SV2B: variants seen among roughly 807,000 people sequenced by gnomAD.
The protein encoded by SV2B is solute carrier family 22 member B2.
In SV2B, 41 loss-of-function variants were observed where a neutral mutation model predicts 73.9. The ratio of observed to expected loss-of-function variants is 0.56; its 90% CI spans 0.43 to 0.72. The LOEUF is 0.72. Among genes scored for constraint, SV2B ranks in the 30% least tolerant of loss-of-function variants. The pLI is 0.00. For missense variants in SV2B, 764 were observed against 857.8 expected, an observed-to-expected ratio of 0.89 and a Z score of 1.37; for synonymous variants, 314 against 314.2, an observed-to-expected ratio of 1.00 and a Z score of 0.01.
chr15:91,149,640 G>T (rs2043250195), intron 1 of SV2B, among the ~76,000 whole-genome samples: 1 of 152,138 alleles, frequency 6.6e-6, no homozygotes. Flanking sequence ...TTAAAGGGAG[G>T]GCAGATCCCA....
rs549951653 is a variant in SV2B at position 91,285,824 on chromosome 15, C to T, written c.1708+1603C>T. Among the ~76,000 whole-genome samples, 180 of 152,092 alleles carry T rather than the reference C, an allele frequency of 1.2e-3. 1 individual carries two copies. Among genetic ancestry groups the T allele is most frequent in the African/African-American group, 3.4e-3 (139 of 41,466 alleles). ...AGGCTGGGGTGGGTGCCCATGTCGA[C>T]GAGAACAGCCCACCGCCTAAGGACC... On this transcript the variant is annotated intron_variant, in intron 11 of 12. Coordinates refer to ENST00000394232, the MANE Select transcript of SV2B (RefSeq NM_001323032.3).
chr15:91,272,455 C>G (rs955503387), intron 9 of SV2B, among the ~76,000 whole-genome samples: 3 of 152,062 alleles, frequency 2.0e-5, no homozygotes, highest in African/African-American at 4.8e-5. Context: ...GGGAGAGATG[C>G]CTGATTTCTG....
At chr15:91,262,326 A>G (rs1004701791) in intron 6 of SV2B, among the ~76,000 whole-genome samples, 6 of 152,246 alleles carry the variant, frequency 3.9e-5, no homozygotes, top group African/African-American at 1.4e-4. Flanking sequence ...GTTAACCATT[A>G]TTTAAATTAT....
At chr15:91,190,917 G>A (rs2044985661) in intron 1 of SV2B, among the ~76,000 whole-genome samples, 1 of 151,248 alleles carries the variant, frequency 6.6e-6, no homozygotes, top group Non-Finnish European at 1.5e-5. Context: ...ATTATTTAGA[G>A]GATTTTGTTC....
At chr15:91,152,601 A>G (rs1258658223) in intron 1 of SV2B, among the ~76,000 whole-genome samples, 2 of 152,242 alleles carry the variant, frequency 1.3e-5, no homozygotes, top group East Asian at 1.9e-4. Flanking sequence ...CAAAGTAACC[A>G]TAGGAAAGAA....
At chr15:91,201,958 T>C (rs1295942329) in intron 1 of SV2B, among the ~76,000 whole-genome samples, 2 of 152,222 alleles carry the variant, frequency 1.3e-5, no homozygotes, top group Non-Finnish European at 2.9e-5. Flanking sequence ...CTTTTAAGAT[T>C]TGCCAGAGCA....
intron 1 of SV2B, among the ~76,000 whole-genome samples, chr15:91,134,529 A>G (rs111357532): frequency 6.4e-4 from 97 of 152,284 alleles, no homozygotes; most frequent in African/African-American, 2.0e-3. Context: ...TGCTTTTTAC[A>G]AATGACTCCA....
At position 91,106,912 on chromosome 15, in the gene SV2B, G is replaced by A. The variant is rs566981971; in HGVS notation, c.-392+6549G>A. Among the ~76,000 whole-genome samples the A allele has an allele frequency of 2.6e-5, 4 of 152,330 alleles. No homozygotes were observed. In the East Asian group the frequency reaches 5.8e-4, roughly 22 times the overall value. On this transcript the variant is annotated intron_variant, in intron 1 of 12. Transcript: ENST00000394232. The surrounding 1 kb of genome is among the most constrained non-coding windows in gnomAD (Gnocchi z 4.4). ...TTATAAAAGGAAGAAATAGGGAATA[G>A]CCTTCATAGGAAAAGGGGAGGGCTG... is the stretch of plus-strand genomic sequence containing the variant.
At chr15:91,209,811 C>G (rs933329279) in intron 1 of SV2B, among the ~76,000 whole-genome samples, 1 of 152,200 alleles carries the variant, frequency 6.6e-6, no homozygotes, top group Non-Finnish European at 1.5e-5. Flanking sequence ...ACATAAACTA[C>G]AAGTTCATTA....
At chr15:91,181,619 T>C (rs550331842) in intron 1 of SV2B, among the ~76,000 whole-genome samples, 1 of 152,190 alleles carries the variant, frequency 6.6e-6, no homozygotes, top group South Asian at 2.1e-4. Flanking sequence ...TAAAATTTTT[T>C]GACAAACGTT....
rs2048670937 is a variant in SV2B at position 91,281,204 on chromosome 15, A to G, written c.1374-524A>G. 6.6e-6 allele frequency among the ~76,000 whole-genome samples: 1 copy of G among 152,174 alleles called. No individual in the cohort carries two copies. Among genetic ancestry groups the G allele is most frequent in the African/African-American group, 2.4e-5 (1 of 41,448 alleles). On this transcript the variant is annotated intron_variant, in intron 9 of 12. Coordinates refer to ENST00000394232, the MANE Select transcript of SV2B (RefSeq NM_001323032.3). The surrounding 1 kb of genome is among the most constrained non-coding windows in gnomAD (Gnocchi z 4.7). ...AGGTCAAAGAGAACGTGCATTTCAA[A>G]TTTTGCAAAATTGCTCCCCAAAGAG... is the stretch of plus-strand genomic sequence containing the variant.
rs1310069564 is a variant in SV2B, at chr15:91,293,991, C to T, written c.*1439C>T. ...TCTTGACTGCATGGAAGAGGAAAAACATCAGAACTGTCTGACAATGGAGGG... is the reference window on the plus strand; with the variant it reads ...TCTTGACTGCATGGAAGAGGAAAAATATCAGAACTGTCTGACAATGGAGGG... On this transcript the variant is annotated 3_prime_UTR_variant, in exon 13 of 13. Transcript: ENST00000394232. 6.6e-6 allele frequency: 1 copy of T among 152,198 alleles called. No homozygotes were observed. The highest frequency in any genetic ancestry group is 1.5e-5 in the Non-Finnish European group (1 of 68,056). The allele number at this position is 152,198 out of a possible 1,614,324, so 9.4% of individuals were successfully genotyped here.
chr15:91,251,813 T>C lies in SV2B; in HGVS notation c.452-6T>C, dbSNP rs750319525. ...CTATTCTCTCCTCTCCTCCCCCTCA[T>C]TGCAGGGATGATAGTCTACTTGGGA... On this transcript the variant is annotated splice_region_variant and splice_polypyrimidine_tract_variant and intron_variant, in intron 2 of 12. Transcript: ENST00000394232. The C allele has an allele frequency of 2.5e-6, 4 of 1,613,826 alleles. No individual in the cohort carries two copies. The highest frequency in any genetic ancestry group is 1.7e-4 in the Middle Eastern group (1 of 6,056).
At chr15:91,149,832 T>C (rs1388281375) in intron 1 of SV2B, among the ~76,000 whole-genome samples, 1 of 152,144 alleles carries the variant, frequency 6.6e-6, no homozygotes, top group Non-Finnish European at 1.5e-5. Context: ...GCTGGTTCCC[T>C]CCCAAGAAGA....
At chr15:91,178,793 A>G (rs1045239306) in intron 1 of SV2B, among the ~76,000 whole-genome samples, 10 of 144,318 alleles carry the variant, frequency 6.9e-5, no homozygotes, top group African/African-American at 2.3e-4. Flanking sequence ...TTTTTTCTTT[A>G]TTAGTCTTGC....
At chr15:91,177,157 C>T (rs966942156) in intron 1 of SV2B, among the ~76,000 whole-genome samples, 1 of 151,670 alleles carries the variant, frequency 6.6e-6, no homozygotes, top group Non-Finnish European at 1.5e-5. Flanking sequence ...GAATCCTTTC[C>T]CCATTGCTTG....
intron 5 of SV2B, among the ~76,000 whole-genome samples, chr15:91,259,009 C>T (rs1044004634): frequency 1.2e-4 from 18 of 151,618 alleles, no homozygotes; most frequent in Admixed American, 6.6e-4. Context: ...GGTGGGAGGA[C>T]TGCTTGGGCC....
In SV2B at chr15:91,143,637, C is replaced by T. The variant is rs559352690; in HGVS notation, c.-392+43274C>T. 9.9e-5 allele frequency among the ~76,000 whole-genome samples: 15 copies of T among 152,280 alleles called. No individual in the cohort carries two copies. In the South Asian group the frequency reaches 2.9e-3, roughly 29 times the overall value. ...AATCCCAGAAAACGCAGCATTCTTACGTGTGATGTTAACATCATTCTCGAA... is the reference window on the plus strand; with the variant it reads ...AATCCCAGAAAACGCAGCATTCTTATGTGTGATGTTAACATCATTCTCGAA... On this transcript the variant is annotated intron_variant, in intron 1 of 12. Transcript: ENST00000394232.
Position 91,131,825 on chromosome 15 carries a change from C to T in SV2B, c.-392+31462C>T, listed in dbSNP as rs962634963. Among the ~76,000 whole-genome samples the T allele has an allele frequency of 8.0e-4, 122 of 151,890 alleles. 1 individual carries two copies. The highest frequency in any genetic ancestry group is 1.0e-4 in the Non-Finnish European group (7 of 67,958). On this transcript the variant is annotated intron_variant, in intron 1 of 12. Coordinates refer to ENST00000394232, the MANE Select transcript of SV2B (RefSeq NM_001323032.3). ...TAAAAATACAAAAATTAGCTGGGTG[C>T]GGTGGCAGGTGCCTGTAATCCCAGC...
Sources: allele counts gnomAD v4.1 joint callset (sites outside exome capture counted in the v4.1 genomes callset), GRCh38; gene constraint gnomAD v4.1.1; non-coding constraint Gnocchi (gnomAD v3.1); transcripts MANE v1.5; gene names NCBI Gene and HGNC (gene_info 2026-07-23, HGNC 2026-07-21).